The following SANBR variants were observed in gnomAD, a reference collection of about 807,000 sequenced individuals.
SANBR encodes the protein SANT and BTB domain regulator of CSR.
SANBR carries 77 observed loss-of-function variants against 101.8 expected under a neutral mutation model. That is an observed-to-expected ratio of 0.76 (90% CI 0.63 to 0.91). SANBR has a LOEUF of 0.91. Among genes scored for constraint, SANBR ranks in the 40% least tolerant of loss-of-function variants. The pLI is 0.00. For synonymous variants in SANBR, 279 were observed against 274.7 expected (o/e 1.02, Z -0.15); for missense variants, 875 against 853.0 (o/e 1.03, Z -0.32).
In SANBR at chr2:61,109,229, A is replaced by C; in HGVS notation, c.1677A>C (p.Glu559Asp). The C allele has an allele frequency of 6.4e-7, 1 of 1,560,016 alleles. No homozygotes were observed. ...AGTCACTGTTTTCAGAAGAAGAAGAATATACCACTGGATCTGAGGTCACTG... is the reference window on the plus strand; with the variant it reads ...AGTCACTGTTTTCAGAAGAAGAAGACTATACCACTGGATCTGAGGTCACTG... ...KQQSLFSEEE[E>D]YTTGSEVTED... The change falls in exon 16 of 22, where the codon GAA (glutamate) becomes GAC (aspartate). Residue 559 changes from glutamate to aspartate, a missense_variant. By Grantham distance (45) the Glu-to-Asp change is conservative. Transcript: ENST00000402291.
At chr2:61,124,921 C>T (rs1684471045), downstream of SANBR, among the ~76,000 whole-genome samples, 1 of 152,022 alleles carries the variant, frequency 6.6e-6, no homozygotes, top group Non-Finnish European at 1.5e-5. Flanking sequence ...TCAAGCTTGT[C>T]TACTAAAGGC....
intron 21 of SANBR, among the ~76,000 whole-genome samples, chr2:61,135,807 G>C (rs1162364491): frequency 1.3e-5 from 2 of 152,094 alleles, no homozygotes; most frequent in Admixed American, 6.6e-5. Context: ...GGGAATTATA[G>C]AAAGCAAATA....
chr2:61,108,051 G>A (rs1683657377), intron 14 of SANBR, among the ~76,000 whole-genome samples: 1 of 152,016 alleles, frequency 6.6e-6, no homozygotes, highest in Non-Finnish European at 1.5e-5. Context: ...AATTATTTTA[G>A]TAATTTTCTT....
At chr2:61,118,006 T>G (rs1684156832) in intron 19 of SANBR, 22 bp from the exon 20 acceptor site, 3 of 1,578,946 alleles carry the variant, frequency 1.9e-6, no homozygotes, top group Non-Finnish European at 2.6e-6. Context: ...AAAAGTAAAG[T>G]TTACTGTTTT....
At chr2:61,097,991 CTTCT>C in intron 12 of SANBR, 139 bp downstream of exon 12, 3 of 566,940 alleles carry the variant, frequency 5.3e-6, no homozygotes, top group Non-Finnish European at 8.6e-6. Context: ...TTTTCCATCT[CTTCT>C]TAGAGATAAT....
chr2:61,098,073 A>C (rs1477962794), intron 12 of SANBR, among the ~76,000 whole-genome samples: 1 of 146,010 alleles, frequency 6.8e-6, no homozygotes, highest in Non-Finnish European at 1.5e-5. Flanking sequence ...ATATATATAT[A>C]TATATTTTTT....
In SANBR at chr2:61,115,346, A is replaced by ATAT. The variant is rs1553436760; in HGVS notation, c.1745-632_1745-631insATT. On this transcript the variant is annotated intron_variant, in intron 16 of 21. Transcript: ENST00000402291. Reference sequence around the variant, plus strand: ...TCACTCATCGTATATATATATATATATTTTTTTTTTGAGACAGAGTCTCGC... The same window carrying ATAT: ...TCACTCATCGTATATATATATATATATATTTTTTTTTTTGAGACAGAGTCTCGC... Among the ~76,000 whole-genome samples, 390 of 147,562 alleles carry ATAT rather than the reference A, an allele frequency of 2.6e-3. 1 individual carries two copies. Among genetic ancestry groups the ATAT allele is most frequent in the Middle Eastern group, 0.01 (3 of 286 alleles).
chr2:61,113,216 CTG>C (rs1316521265), intron 16 of SANBR, among the ~76,000 whole-genome samples: 1 of 152,200 alleles, frequency 6.6e-6, no homozygotes, highest in Non-Finnish European at 1.5e-5. Context: ...CAATACCACA[CTG>C]TTAATTTTTG....
At chr2:61,093,709 C>T (rs892129153) in intron 11 of SANBR, among the ~76,000 whole-genome samples, 7 of 152,142 alleles carry the variant, frequency 4.6e-5, no homozygotes, top group Non-Finnish European at 1.0e-4. Flanking sequence ...ACTATTTTCT[C>T]TGTTGTTCTA....
chr2:61,101,700 C>T (rs1222188719), intron 12 of SANBR, among the ~76,000 whole-genome samples: 1 of 150,252 alleles, frequency 6.7e-6, no homozygotes, highest in Non-Finnish European at 1.5e-5. Flanking sequence ...TGCACGGCAG[C>T]CTGGGCAACA....
intron 3 of SANBR, among the ~76,000 whole-genome samples, 184 bp downstream of exon 3, chr2:61,070,684 G>A (rs1395055651): frequency 1.0e-4 from 14 of 139,454 alleles, no homozygotes; most frequent in Admixed American, 8.6e-4. Context: ...ATTATATATA[G>A]TATATAAATT....
downstream of SANBR, among the ~76,000 whole-genome samples, chr2:61,125,878 T>C (rs1020560697): frequency 6.6e-6 from 1 of 152,214 alleles, no homozygotes; most frequent in African/African-American, 2.4e-5. Context: ...ATACTGGGGT[T>C]GGAATCTGGG....
chr2:61,075,450 G>C (rs1387274377), intron 5 of SANBR, among the ~76,000 whole-genome samples: 6 of 151,902 alleles, frequency 3.9e-5, no homozygotes, highest in African/African-American at 1.5e-4. Flanking sequence ...GTAGAGATAG[G>C]GTTTCACCGG....
chr2:61,085,766 C>G (rs1218348214), intron 8 of SANBR, among the ~76,000 whole-genome samples: 1 of 152,176 alleles, frequency 6.6e-6, no homozygotes, highest in African/African-American at 2.4e-5. Flanking sequence ...CCGCCTCGGC[C>G]TCCCAACGTG....
intron 12 of SANBR, among the ~76,000 whole-genome samples, chr2:61,098,824 G>A (rs1406258246): frequency 6.6e-6 from 1 of 152,236 alleles, no homozygotes; most frequent in East Asian, 1.9e-4. Context: ...AGGATAGCCT[G>A]TAAACTTGGA....
chr2:61,078,072 G>C (rs1681886078), intron 6 of SANBR, among the ~76,000 whole-genome samples: 1 of 152,130 alleles, frequency 6.6e-6, no homozygotes, highest in Admixed American at 6.5e-5. Flanking sequence ...TAATGAATGT[G>C]ATTTTTAAAT....
At chr2:61,068,507 A>G (rs1313942292) in intron 1 of SANBR, among the ~76,000 whole-genome samples, 1 of 152,196 alleles carries the variant, frequency 6.6e-6, no homozygotes. Context: ...ACATAGTATT[A>G]TTTAATCCTC....
At chr2:61,072,551 T>C (rs758462394) in intron 4 of SANBR, among the ~76,000 whole-genome samples, 7 of 152,196 alleles carry the variant, frequency 4.6e-5, no homozygotes, top group Non-Finnish European at 7.3e-5. Context: ...CTCTTCAGCC[T>C]AGGTGTCTGA....
At chr2:61,066,833 C>A (rs771167223) in intron 1 of SANBR, among the ~76,000 whole-genome samples, 1 of 151,878 alleles carries the variant, frequency 6.6e-6, no homozygotes, top group Non-Finnish European at 1.5e-5. Flanking sequence ...ATACATAAAC[C>A]AAGAGAAGGG....
Sources: gnomAD v4.1 joint callset for allele counts (sites outside exome capture counted in the v4.1 genomes callset) on GRCh38, gnomAD v4.1.1 for gene constraint, MANE v1.5 for transcripts, NCBI Gene and HGNC (gene_info 2026-07-23, HGNC 2026-07-21) for gene names.